Variants in SGCD observed in about 807,000 individuals in gnomAD.
SGCD encodes the protein delta-sarcoglycan.
Under a neutral mutation model 36.6 loss-of-function variants are expected in SGCD, and 18 were observed. The ratio of observed to expected loss-of-function variants is 0.49; its 90% CI spans 0.34 to 0.73. SGCD has a LOEUF of 0.73. Ranked by LOEUF, SGCD falls within the 30% of genes least tolerant of loss-of-function variation. SGCD has a pLI of 0.01. For synonymous variants in SGCD, 133 were observed against 130.6 expected, an observed-to-expected ratio of 1.02 and a Z score of -0.12; for missense variants, 387 against 346.7, an observed-to-expected ratio of 1.12 and a Z score of -0.92.
intron 3 of SGCD, among the ~76,000 whole-genome samples, chr5:156,128,033 C>T (rs149452538): frequency 5.2e-4 from 78 of 151,428 alleles, no homozygotes; most frequent in Middle Eastern, 6.8e-3. Flanking sequence ...TCAAAAAATA[C>T]CACCAAGAAA....
At chr5:156,637,394 G>A (rs1247282597) in intron 6 of SGCD, among the ~76,000 whole-genome samples, 2 of 152,134 alleles carry the variant, frequency 1.3e-5, no homozygotes, top group Non-Finnish European at 2.9e-5. Context: ...GCAGCTTCAT[G>A]GTATCTGAGT....
In SGCD at chr5:155,882,904, C is replaced by T. The variant is rs546035976; in HGVS notation, c.-282+12480C>T. Among the ~76,000 whole-genome samples, 4 of 152,296 alleles carry T rather than the reference C, an allele frequency of 2.6e-5. No individual in the cohort carries two copies. In the East Asian group the frequency reaches 7.7e-4, roughly 29 times the overall value. On this transcript the variant is annotated intron_variant, in intron 1 of 9. Coordinates refer to the SGCD transcript ENST00000517913. ...CTTTTGCTCTCTAGCTATCAAATCC[C>T]TGTATGGCTTCTTCCAACAGAAAGC...
intron 3 of SGCD, among the ~76,000 whole-genome samples, chr5:156,174,996 A>G (rs567356730): frequency 6.6e-6 from 1 of 152,362 alleles, no homozygotes; most frequent in South Asian, 2.1e-4. Context: ...AAGCAAGAAC[A>G]GTAAACTTAC....
At chr5:156,178,222 C>A (rs2127625468) in intron 3 of SGCD, among the ~76,000 whole-genome samples, 1 of 152,124 alleles carries the variant, frequency 6.6e-6, no homozygotes, top group South Asian at 2.1e-4. Flanking sequence ...AAAAAAAAAT[C>A]ATAAGTTGAA....
chr5:156,341,718 T>C (rs1309227280), intron 2 of SGCD, among the ~76,000 whole-genome samples: 2 of 152,196 alleles, frequency 1.3e-5, no homozygotes, highest in African/African-American at 2.4e-5. Flanking sequence ...TATTTACTTA[T>C]TTATTTTTTG....
intron 1 of SGCD, among the ~76,000 whole-genome samples, chr5:156,042,511 G>A (rs1759663256): frequency 6.6e-6 from 1 of 152,192 alleles, no homozygotes; most frequent in Non-Finnish European, 1.5e-5. Flanking sequence ...TGCAGAGCTG[G>A]CTGAATGAGA....
chr5:156,384,668 AT>A (rs143182243), intron 3 of SGCD, among the ~76,000 whole-genome samples: 6,402 of 152,074 alleles, frequency 0.042, 437 homozygotes, highest in African/African-American at 0.14. Context: ...AAAGATGTGC[AT>A]TTTTTTCCCC....
At chr5:156,093,219 A>T (rs1012864926) in intron 1 of SGCD, among the ~76,000 whole-genome samples, 2 of 152,178 alleles carry the variant, frequency 1.3e-5, no homozygotes, top group Non-Finnish European at 2.9e-5. Context: ...TTTGCTACCC[A>T]GAGTCATGTG....
At chr5:156,313,722 G>C (rs1442247380) in intron 3 of SGCD, among the ~76,000 whole-genome samples, 2 of 151,990 alleles carry the variant, frequency 1.3e-5, no homozygotes, top group Non-Finnish European at 2.9e-5. Flanking sequence ...ACATTTTAGG[G>C]TACTAGGATC....
At chr5:156,140,109 T>G (rs778452162) in intron 3 of SGCD, among the ~76,000 whole-genome samples, 1 of 152,220 alleles carries the variant, frequency 6.6e-6, no homozygotes, top group Non-Finnish European at 1.5e-5. Context: ...CATAAATTTC[T>G]GTTTATAAAT....
chr5:155,964,068 T>A (rs980538016), intron 1 of SGCD, among the ~76,000 whole-genome samples: 1 of 152,130 alleles, frequency 6.6e-6, no homozygotes, highest in South Asian at 2.1e-4. Flanking sequence ...AGAAAACATA[T>A]GCGTATATTC....
intron 1 of SGCD, among the ~76,000 whole-genome samples, chr5:155,932,954 G>C (rs1029376477): frequency 4.0e-5 from 6 of 151,630 alleles, no homozygotes; most frequent in African/African-American, 1.5e-4. Context: ...GAATGTCAGG[G>C]CTGGGAAAGA....
chr5:156,457,092 C>T (rs1581022020), intron 3 of SGCD, among the ~76,000 whole-genome samples: 1 of 152,108 alleles, frequency 6.6e-6, no homozygotes, highest in African/African-American at 2.4e-5. Context: ...CATTTTTATG[C>T]TAACTTTCTT....
At chr5:156,403,884 G>A (rs1772282526) in intron 3 of SGCD, among the ~76,000 whole-genome samples, 1 of 151,620 alleles carries the variant, frequency 6.6e-6, no homozygotes, top group Admixed American at 6.6e-5. Flanking sequence ...ACCCATGCTG[G>A]AGTGCAGTGT....
At chr5:156,720,998 T>C (rs1449684638) in intron 7 of SGCD, among the ~76,000 whole-genome samples, 1 of 152,146 alleles carries the variant, frequency 6.6e-6, no homozygotes, top group Non-Finnish European at 1.5e-5. Flanking sequence ...GATAATGGGA[T>C]TTCCTGGCAT....
chr5:156,236,329 G>A (rs1765162029), intron 3 of SGCD, among the ~76,000 whole-genome samples: 1 of 152,038 alleles, frequency 6.6e-6, no homozygotes, highest in Admixed American at 6.5e-5. Context: ...TAGCTGTAGT[G>A]AGTTCTTACT....
At chr5:156,047,644 T>TG (rs1380445460) in intron 1 of SGCD, among the ~76,000 whole-genome samples, 5 of 152,092 alleles carry the variant, frequency 3.3e-5, no homozygotes, top group Non-Finnish European at 5.9e-5. Context: ...ACTTACAGCT[T>TG]GGGGGGGAAA....
chr5:156,572,914 T>A (rs1169208449), intron 4 of SGCD, among the ~76,000 whole-genome samples: 1 of 152,144 alleles, frequency 6.6e-6, no homozygotes, highest in Non-Finnish European at 1.5e-5. Flanking sequence ...TCCTCTTGTC[T>A]CTCTTTTGAC....
At chr5:156,528,167 T>C (rs1482743328) in intron 4 of SGCD, among the ~76,000 whole-genome samples, 4 of 152,190 alleles carry the variant, frequency 2.6e-5, no homozygotes, top group Admixed American at 2.6e-4. Flanking sequence ...TGAATTTGAA[T>C]CTTTGCTCCA....
Sources: gnomAD v4.1 joint callset for allele counts (sites outside exome capture counted in the v4.1 genomes callset) on GRCh38, gnomAD v4.1.1 for gene constraint, MANE v1.5 for transcripts, NCBI Gene and HGNC (gene_info 2026-07-23, HGNC 2026-07-21) for gene names.